The following DNAH11 variants were observed in gnomAD, a reference collection of about 807,000 sequenced individuals.
The protein encoded by DNAH11 is dynein axonemal heavy chain 11.
In DNAH11, 442 loss-of-function variants were observed where a neutral mutation model predicts 526.0. The observed-to-expected ratio is 0.84, with a 90% CI of 0.78 to 0.91. DNAH11 has a LOEUF of 0.91. DNAH11 is among the 40% of genes least tolerant of loss of function. The pLI, the probability that DNAH11 is intolerant of heterozygous loss-of-function variation, is 0.00. For synonymous variants in DNAH11, 2,461 were observed against 1,935.9 expected (o/e 1.27, Z -7.12); for missense variants, 6,989 against 5,448.7 (o/e 1.28, Z -8.90).
chr7:21,846,329 C>G (rs1325902356), intron 66 of DNAH11, among the ~76,000 whole-genome samples: 1 of 152,144 alleles, frequency 6.6e-6, no homozygotes, highest in Non-Finnish European at 1.5e-5. Context: ...TAGCTTCTCA[C>G]CATTAAGTAC....
At chr7:21,843,818 A>T (rs1358382398) in intron 66 of DNAH11, among the ~76,000 whole-genome samples, 1 of 152,172 alleles carries the variant, frequency 6.6e-6, no homozygotes, top group Non-Finnish European at 1.5e-5. Context: ...TTGAGTATTG[A>T]AATGGTGATG....
At chr7:21,873,586 C>T (rs2128038796) in intron 74 of DNAH11, 85 bp downstream of exon 74, 1 of 1,324,920 alleles carries the variant, frequency 7.5e-7, no homozygotes, top group East Asian at 2.3e-5. Context: ...CCAGGCATGT[C>T]ATTGAGAGGG....
At chr7:21,613,039 C>T (rs527896285) in intron 20 of DNAH11, among the ~76,000 whole-genome samples, 1 of 151,900 alleles carries the variant, frequency 6.6e-6, no homozygotes, top group Non-Finnish European at 1.5e-5. Context: ...CGATAGGGAA[C>T]GTGAAAATTT....
intron 9 of DNAH11, among the ~76,000 whole-genome samples, chr7:21,586,726 AGTTTATCTACCACT>A (rs1784490018): frequency 6.6e-6 from 1 of 152,254 alleles, no homozygotes; most frequent in Admixed American, 6.5e-5. Context: ...CCTTGGATAC[AGTTTATCTACCACT>A]GTAAATATAC....
At chr7:21,873,552 A>G in intron 74 of DNAH11, 51 bp downstream of exon 74, 3 of 1,565,826 alleles carry the variant, frequency 1.9e-6, no homozygotes, top group Non-Finnish European at 2.6e-6. Flanking sequence ...GTCATCTCAC[A>G]AGACTGTGGG....
At chr7:21,639,564 CT>C (rs1429664494) in intron 28 of DNAH11, among the ~76,000 whole-genome samples, 1 of 152,214 alleles carries the variant, frequency 6.6e-6, no homozygotes, top group Admixed American at 6.5e-5. Flanking sequence ...TTTCCCCTAT[CT>C]CTGCAAAAAT....
rs367628980 is a variant in DNAH11, at chr7:21,615,109, C to T, written c.3853-5C>T. ...TGTATGCAGGTGTTTATGTTCTCTC[C>T]TTAGGCAAATGAAGAGCTTGAGGCC... On this transcript the variant is annotated splice_region_variant and splice_polypyrimidine_tract_variant and intron_variant, in intron 20 of 81. Transcript: ENST00000409508. 3 of 1,607,194 alleles carry T rather than the reference C, an allele frequency of 1.9e-6. No individual in the cohort carries two copies. The highest frequency in any genetic ancestry group is 2.7e-5 in the African/African-American group (2 of 74,524).
intron 51 of DNAH11, among the ~76,000 whole-genome samples, chr7:21,747,327 G>T (rs962416034): frequency 1.3e-5 from 2 of 152,036 alleles, no homozygotes; most frequent in South Asian, 2.1e-4. Context: ...CACATGTGCT[G>T]GTCCTAATAT....
chr7:21,672,443 G>A (rs1782678589), intron 30 of DNAH11, among the ~76,000 whole-genome samples: 1 of 152,134 alleles, frequency 6.6e-6, no homozygotes, highest in Non-Finnish European at 1.5e-5. Flanking sequence ...TTAACACCAT[G>A]TCTGGCTAAG....
At chr7:21,764,236 A>G (rs1375236360) in intron 54 of DNAH11, among the ~76,000 whole-genome samples, 1 of 151,724 alleles carries the variant, frequency 6.6e-6, no homozygotes, top group Non-Finnish European at 1.5e-5. Context: ...TATAGCTTGA[A>G]TTGTTGAATA....
chr7:21,619,943 T>C lies in DNAH11; in HGVS notation c.4378-13T>C. On this transcript the variant is annotated splice_polypyrimidine_tract_variant and intron_variant, in intron 24 of 81. Transcript: ENST00000409508. ...TAAATTTTGTGCACATTAATTATATTGTTGATTACTAGGTTATTACTGAAA... is the reference window on the plus strand; with the variant it reads ...TAAATTTTGTGCACATTAATTATATCGTTGATTACTAGGTTATTACTGAAA... 1 of 1,584,560 alleles carries C rather than the reference T, an allele frequency of 6.3e-7. No homozygotes were observed. Among genetic ancestry groups the C allele is most frequent in the Non-Finnish European group, 8.6e-7 (1 of 1,169,042 alleles).
intron 64 of DNAH11, among the ~76,000 whole-genome samples, chr7:21,817,190 C>A (rs532043324): frequency 1.3e-5 from 2 of 152,032 alleles, no homozygotes; most frequent in Non-Finnish European, 2.9e-5. Flanking sequence ...CTTTTGAGAC[C>A]TGAATCTACT....
At chr7:21,874,678 TATATATAC>T (rs905903892) in intron 74 of DNAH11, among the ~76,000 whole-genome samples, 42 of 151,854 alleles carry the variant, frequency 2.8e-4, no homozygotes, top group African/African-American at 9.4e-4. Flanking sequence ...AATACATACG[TATATATAC>T]ATATATATAC....
At chr7:21,898,202 C>A (rs546963585) in intron 79 of DNAH11, among the ~76,000 whole-genome samples, 193 of 152,284 alleles carry the variant, frequency 1.3e-3, no homozygotes, top group African/African-American at 4.5e-3. Flanking sequence ...TGTCTTCCTG[C>A]CTTTGCTTTT....
intron 61 of DNAH11, among the ~76,000 whole-genome samples, chr7:21,789,545 T>A (rs1025872914): frequency 6.6e-6 from 1 of 152,036 alleles, no homozygotes; most frequent in Non-Finnish European, 1.5e-5. Flanking sequence ...AAAGTGCAAA[T>A]GTTCATGGTT....
chr7:21,854,238 C>A, intron 67 of DNAH11, 77 bp from the exon 68 acceptor site: 1 of 1,494,232 alleles, frequency 6.7e-7, no homozygotes, highest in Non-Finnish European at 9.0e-7. Context: ...ATTTCAGGTA[C>A]GTCCTTCCAT....
intron 2 of DNAH11, among the ~76,000 whole-genome samples, chr7:21,556,501 C>G (rs1783221620): frequency 6.6e-6 from 1 of 152,046 alleles, no homozygotes; most frequent in Non-Finnish European, 1.5e-5. Context: ...CATGTTCAGC[C>G]CAACAAATCT....
intron 22 of DNAH11, among the ~76,000 whole-genome samples, chr7:21,616,626 C>T (rs1785795859): frequency 6.6e-6 from 1 of 152,108 alleles, no homozygotes; most frequent in Non-Finnish European, 1.5e-5. Context: ...GCTTAGCAAC[C>T]ATAAACATTT....
chr7:21,717,175 A>T lies in DNAH11; in HGVS notation c.6984-600A>T, dbSNP rs1377508884. Among the ~76,000 whole-genome samples the T allele has an allele frequency of 3.4e-5, 5 of 148,088 alleles. No homozygotes were observed. The South Asian group carries it at 8.8e-4, about 26-fold the overall frequency. ...TACATTAAGGATATTTAATGTATCA[A>T]ATTGATAACATTTTATGTTTCAGAT... is the stretch of plus-strand genomic sequence containing the variant. On this transcript the variant is annotated intron_variant, in intron 42 of 81. Transcript: ENST00000409508.
Sources: allele counts gnomAD v4.1 joint callset (sites outside exome capture counted in the v4.1 genomes callset), GRCh38; gene constraint gnomAD v4.1.1; transcripts MANE v1.5; gene names NCBI Gene and HGNC (gene_info 2026-07-23, HGNC 2026-07-21).